The following PTPN14 variants were observed in gnomAD, a reference collection of about 807,000 sequenced individuals.
PTPN14 encodes the protein tyrosine-protein phosphatase non-receptor type 14.
A neutral mutation model predicts 126.8 loss-of-function variants in PTPN14; 53 were observed. The observed-to-expected ratio is 0.42, with a 90% confidence interval of 0.34 to 0.53. The LOEUF (loss-of-function observed/expected upper bound fraction) is 0.53, where lower values mean the gene tolerates loss of function less well. Ranked by LOEUF, PTPN14 falls within the 20% of genes least tolerant of loss-of-function variation. The probability of loss-of-function intolerance (pLI) is 0.08; values close to 1 mark genes in which losing one functional copy is unlikely to be tolerated. For missense variants in PTPN14, 1,257 were observed against 1,552.9 expected (o/e 0.81, Z 3.20); for synonymous variants, 630 against 599.3 (o/e 1.05, Z -0.75).
At chr1:214,484,441 G>T (rs1008129314) in intron 1 of PTPN14, among the ~76,000 whole-genome samples, 2 of 152,120 alleles carry the variant, frequency 1.3e-5, no homozygotes, top group Non-Finnish European at 2.9e-5. Flanking sequence ...CATGAATTTG[G>T]AATTAGAAGT....
chr1:214,376,571 T>C, intron 14 of PTPN14, 134 bp from the exon 15 acceptor site: 2 of 743,592 alleles, frequency 2.7e-6, no homozygotes, highest in South Asian at 1.8e-5. Flanking sequence ...TTGGTTTGTC[T>C]CATTATCAAC....
intron 8 of PTPN14, 36 bp from the exon 9 acceptor site, chr1:214,395,022 A>G (rs1328454874): frequency 2.6e-6 from 4 of 1,548,334 alleles, no homozygotes; most frequent in Non-Finnish European, 3.6e-6. Context: ...TTACTCAACA[A>G]TGTTCCAGGC....
intron 3 of PTPN14, among the ~76,000 whole-genome samples, chr1:214,420,650 C>T (rs1032880191): frequency 6.6e-6 from 1 of 152,138 alleles, no homozygotes; most frequent in Non-Finnish European, 1.5e-5. Context: ...ATAATAAATT[C>T]CCTAATAGTA....
chr1:214,429,237 T>C (rs1659743719), intron 3 of PTPN14, among the ~76,000 whole-genome samples: 1 of 152,210 alleles, frequency 6.6e-6, no homozygotes, highest in Non-Finnish European at 1.5e-5. Context: ...ATAAACATAA[T>C]GGACTCCTTT....
At chr1:214,372,580 G>A in intron 16 of PTPN14, 131 bp downstream of exon 16, 1 of 1,323,796 alleles carries the variant, frequency 7.6e-7, no homozygotes, top group Non-Finnish European at 1.1e-6. Context: ...GTATACCAAA[G>A]AGAAAAGCAT....
chr1:214,488,492 G>A (rs1661164090), intron 1 of PTPN14, among the ~76,000 whole-genome samples: 1 of 152,146 alleles, frequency 6.6e-6, no homozygotes, highest in African/African-American at 2.4e-5. Context: ...TATCAGAGCT[G>A]AGCACATAAA....
chr1:214,408,760 T>G (rs1659228860), intron 5 of PTPN14, among the ~76,000 whole-genome samples: 1 of 152,056 alleles, frequency 6.6e-6, no homozygotes. Context: ...CTCTGGGAAG[T>G]AATATTTGAA....
intron 7 of PTPN14, among the ~76,000 whole-genome samples, chr1:214,399,449 AT>A (rs1658966525): frequency 6.6e-6 from 1 of 152,054 alleles, no homozygotes; most frequent in South Asian, 2.1e-4. Context: ...GATGTCTTTT[AT>A]TTTTCAACCT....
chr1:214,473,083 G>C (rs1376892964), intron 1 of PTPN14, among the ~76,000 whole-genome samples: 1 of 152,138 alleles, frequency 6.6e-6, no homozygotes, highest in Non-Finnish European at 1.5e-5. Context: ...GCTCTAAAGT[G>C]TAAGTTTCGA....
intron 8 of PTPN14, among the ~76,000 whole-genome samples, chr1:214,397,211 A>G (rs1050911294): frequency 6.6e-5 from 10 of 152,194 alleles, no homozygotes; most frequent in African/African-American, 2.4e-4. Flanking sequence ...TCCAAGAGCT[A>G]TCTTTGATAG....
intron 1 of PTPN14, among the ~76,000 whole-genome samples, chr1:214,471,975 TCA>T (rs750533435): frequency 1.3e-5 from 2 of 152,302 alleles, no homozygotes; most frequent in East Asian, 1.9e-4. Flanking sequence ...TCCTGGTGTA[TCA>T]CAGAGTCTCT....
intron 18 of PTPN14, among the ~76,000 whole-genome samples, chr1:214,361,054 G>A (rs1358389713): frequency 6.6e-6 from 1 of 152,018 alleles, no homozygotes; most frequent in Non-Finnish European, 1.5e-5. Flanking sequence ...GTTTCCTGAG[G>A]CCTCCCAGCC....
intron 5 of PTPN14, among the ~76,000 whole-genome samples, chr1:214,404,157 T>A (rs1251351547): frequency 6.6e-6 from 1 of 152,184 alleles, no homozygotes; most frequent in Non-Finnish European, 1.5e-5. Flanking sequence ...GTGAAAAACA[T>A]CCCATCTCAA....
chr1:214,468,726 T>C (rs924754388), intron 1 of PTPN14, among the ~76,000 whole-genome samples: 1 of 152,162 alleles, frequency 6.6e-6, no homozygotes, highest in African/African-American at 2.4e-5. Flanking sequence ...CCTAAAAGTT[T>C]TCATAATCAA....
chr1:214,549,042 A>C (rs927725496), intron 1 of PTPN14, among the ~76,000 whole-genome samples: 1 of 152,170 alleles, frequency 6.6e-6, no homozygotes, highest in Non-Finnish European at 1.5e-5. Flanking sequence ...ACTTCTGTGA[A>C]GGGGCTGTTC....
chr1:214,376,216 T>C lies in PTPN14; in HGVS notation c.2907+3A>G, dbSNP rs761839412. 3 of 1,611,844 alleles carry C rather than the reference T, an allele frequency of 1.9e-6. No homozygotes were observed. In the South Asian group the frequency reaches 3.3e-5, roughly 18 times the overall value. The stretch of plus-strand genomic sequence containing the variant: ...AAACCTTCTAACAGGCTTGCCTTCT[T>C]ACCTTGATGTGGGAGGCATTAATGT... On this transcript the variant is annotated splice_donor_region_variant and intron_variant, in intron 15 of 18. Coordinates refer to ENST00000366956, the MANE Select transcript of PTPN14 (RefSeq NM_005401.5).
chr1:214,400,912 CT>C (rs1333438474), intron 7 of PTPN14, among the ~76,000 whole-genome samples: 1 of 152,168 alleles, frequency 6.6e-6, no homozygotes, highest in Non-Finnish European at 1.5e-5. Flanking sequence ...GAACTGAACA[CT>C]TATAAAACAG....
rs558088409 is a variant in PTPN14, at chr1:214,392,155, C to A, written c.930-1110G>T. Among the ~76,000 whole-genome samples, 368 of 151,894 alleles carry A rather than the reference C, an allele frequency of 2.4e-3. 1 individual carries two copies. The highest frequency in any genetic ancestry group is 4.0e-3 in the Non-Finnish European group (269 of 67,976). On this transcript the variant is annotated intron_variant, in intron 10 of 18. Coordinates refer to ENST00000366956, the MANE Select transcript of PTPN14 (RefSeq NM_005401.5). Reference sequence around the variant, plus strand: ...CCCAGGCCATAACATCGTGCTGGGACGCTGAACTGCATATGGAATTTAATG... The same window carrying A: ...CCCAGGCCATAACATCGTGCTGGGAAGCTGAACTGCATATGGAATTTAATG...
chr1:214,403,919 T>C (rs114686886), intron 5 of PTPN14, among the ~76,000 whole-genome samples: 2,834 of 152,222 alleles, frequency 0.019, 85 homozygotes, highest in African/African-American at 0.065. Context: ...ATGGGCACCA[T>C]TTTCCTGTGA....
Sources: allele counts gnomAD v4.1 joint callset (sites outside exome capture counted in the v4.1 genomes callset), GRCh38; gene constraint gnomAD v4.1.1; transcripts MANE v1.5; gene names NCBI Gene and HGNC (gene_info 2026-07-23, HGNC 2026-07-21).